Variants in NBN observed in about 807,000 individuals in gnomAD.
NBN encodes the protein Nijmegen breakage syndrome 1 (nibrin).
NBN carries 88 observed loss-of-function variants against 90.8 expected under a neutral mutation model. The observed-to-expected ratio is 0.97, with a 90% CI of 0.82 to 1.16. The LOEUF is 1.16. Ranked by LOEUF, NBN falls within the 50% of genes most tolerant of loss-of-function variation. The probability of loss-of-function intolerance (pLI) is 0.00; values close to 1 mark genes in which losing one functional copy is unlikely to be tolerated. For missense variants in NBN, 894 were observed against 869.6 expected (o/e 1.03, Z -0.35); for synonymous variants, 328 against 295.1 (o/e 1.11, Z -1.14).
At chr8:89,936,972 TA>T in intron 15 of NBN, 53 bp downstream of exon 15, 1 of 1,419,838 alleles carries the variant, frequency 7.0e-7, no homozygotes, top group Non-Finnish European at 9.9e-7. Context: ...TGAACAGAAC[TA>T]AATTTTATAT....
In NBN at chr8:89,981,532, T is replaced by C. The variant is rs1227561580; in HGVS notation, c.172-9A>G. On this transcript the variant is annotated splice_polypyrimidine_tract_variant and intron_variant, in intron 2 of 15. Coordinates refer to ENST00000265433, the MANE Select transcript of NBN (RefSeq NM_002485.5). ...ATTTCATCTGTTTGACTCTGAAAAG[T>C]TAGCAAATAATTTAAAGTCTTTTAC... is the stretch of plus-strand genomic sequence containing the variant. 6.2e-7 allele frequency: 1 copy of C among 1,612,576 alleles called. No individual in the cohort carries two copies. The highest frequency in any genetic ancestry group is 1.1e-5 in the South Asian group (1 of 91,014).
chr8:89,984,336 T>C, intron 1 of NBN, 189 bp downstream of exon 1: 1 of 655,162 alleles, frequency 1.5e-6, no homozygotes, highest in East Asian at 2.8e-5. Context: ...CGCGCTGAAT[T>C]CCAGCTCACA....
chr8:89,960,467 A>G (rs780967723), intron 8 of NBN, among the ~76,000 whole-genome samples: 10 of 152,154 alleles, frequency 6.6e-5, no homozygotes, highest in Non-Finnish European at 1.2e-4. Flanking sequence ...CCTGGTCAAC[A>G]TAGTGAGACT....
At position 89,935,575 on chromosome 8, in the gene NBN, T is replaced by C. The variant is rs1354350621; in HGVS notation, c.*7A>G. The C allele has an allele frequency of 6.2e-7, 1 of 1,610,546 alleles. No individual in the cohort carries two copies. The highest frequency in any genetic ancestry group is 1.1e-5 in the South Asian group (1 of 91,040). ...GTTTTTCCATGGCTTCTTTTTAAAA[T>C]CCTCAGTTATCTTCTCCTTTTTAAA... On this transcript the variant is annotated 3_prime_UTR_variant, in exon 16 of 16. Transcript: ENST00000265433.
rs1554556458 is a variant in NBN, at chr8:89,946,144, T to C, written c.2066A>G (p.Lys689Arg). 1 of 1,578,746 alleles carries C rather than the reference T, an allele frequency of 6.3e-7. No homozygotes were observed. Among genetic ancestry groups the C allele is most frequent in the Non-Finnish European group, 8.7e-7 (1 of 1,149,508 alleles). Reference protein sequence around the residue: ...YGQLKNFKKFKKVTYPGAGKL... With the variant: ...YGQLKNFKKFRKVTYPGAGKL... The stretch of plus-strand genomic sequence containing the variant: ...TGATACAGTTGAAATACCTACCTTT[T>C]TGAATTTCTTGAAATTTTTTAGTTG... The change falls in exon 13 of 16, where the codon AAA (lysine) becomes AGA (arginine). Residue 689 changes from lysine (K) to arginine (R), a missense_variant. By Grantham distance (26) the Lys-to-Arg change is conservative. Coordinates refer to ENST00000265433, the MANE Select transcript of NBN (RefSeq NM_002485.5).
chr8:89,954,740 A>G (rs918589579), intron 10 of NBN, among the ~76,000 whole-genome samples: 2 of 152,150 alleles, frequency 1.3e-5, no homozygotes, highest in Non-Finnish European at 2.9e-5. Context: ...GAAGTCCTCC[A>G]AAGTTCATAC....
intron 10 of NBN, 69 bp downstream of exon 10, chr8:89,955,214 C>A: frequency 7.0e-7 from 1 of 1,430,294 alleles, no homozygotes; most frequent in Non-Finnish European, 9.8e-7. Flanking sequence ...AAGACAATAC[C>A]ATTCTACAAC....
intron 14 of NBN, among the ~76,000 whole-genome samples, chr8:89,938,241 T>A (rs940071839): frequency 1.3e-5 from 2 of 152,342 alleles, no homozygotes; most frequent in South Asian, 4.1e-4. Flanking sequence ...TTTTTGATAT[T>A]TCTTGGAAAC....
At chr8:89,980,623 CAACT>C in intron 4 of NBN, 107 bp downstream of exon 4, 1 of 876,262 alleles carries the variant, frequency 1.1e-6, no homozygotes, top group Non-Finnish European at 1.8e-6. Context: ...TATAAATCTA[CAACT>C]AACAGTTCTG....
chr8:89,964,309 G>A, intron 8 of NBN, 101 bp downstream of exon 8: 1 of 1,308,318 alleles, frequency 7.6e-7, no homozygotes, highest in Non-Finnish European at 1.1e-6. Context: ...AAAACATGGT[G>A]AATATGGTCA....
intron 5 of NBN, among the ~76,000 whole-genome samples, chr8:89,975,404 T>C (rs1315844056): frequency 6.6e-6 from 1 of 152,256 alleles, no homozygotes. Context: ...TACTAATGTT[T>C]ATAAATTGAA....
rs1809551695 is a variant in NBN, at chr8:89,934,009, C to G, written c.*1573G>C. 1 of 230,678 alleles carries G rather than the reference C, an allele frequency of 4.3e-6. No homozygotes were observed. The highest frequency in any genetic ancestry group is 8.6e-6 in the Non-Finnish European group (1 of 116,638). The allele number at this position is 230,678 out of a possible 1,614,324, so 14.3% of individuals were successfully genotyped here. A position where few individuals can be genotyped will look rare whatever the true frequency, so the allele number is the denominator to read the frequency against. Reference sequence around the variant, plus strand: ...TAAAGACAGGAGGTACCAGAACTCTCATTCATTATATTCATAAATTGACAA... The same window carrying G: ...TAAAGACAGGAGGTACCAGAACTCTGATTCATTATATTCATAAATTGACAA... On this transcript the variant is annotated 3_prime_UTR_variant, in exon 16 of 16. Coordinates refer to ENST00000265433, the MANE Select transcript of NBN (RefSeq NM_002485.5).
intron 5 of NBN, among the ~76,000 whole-genome samples, chr8:89,974,010 C>T (rs894226111): frequency 1.3e-5 from 2 of 152,044 alleles, no homozygotes; most frequent in African/African-American, 4.8e-5. Context: ...TTCCCATTCA[C>T]ATTTTCTATT....
intron 5 of NBN, among the ~76,000 whole-genome samples, chr8:89,975,485 G>C (rs1207330198): frequency 6.6e-6 from 1 of 152,086 alleles, no homozygotes; most frequent in Admixed American, 6.5e-5. Context: ...ATCCAGATAG[G>C]TATAGGACTC....
intron 8 of NBN, among the ~76,000 whole-genome samples, chr8:89,961,713 T>G (rs1040871276): frequency 6.6e-6 from 1 of 152,190 alleles, no homozygotes; most frequent in Admixed American, 6.5e-5. Context: ...GCTAAACTAC[T>G]GAGGACTCAG....
chr8:89,947,549 A>C (rs2129657526), intron 12 of NBN, among the ~76,000 whole-genome samples: 1 of 152,172 alleles, frequency 6.6e-6, no homozygotes, highest in Admixed American at 6.5e-5. Context: ...GAATAGCTTA[A>C]ACCCAGGAGG....
chr8:89,953,776 C>A (rs550788653), intron 10 of NBN, 85 bp from the exon 11 acceptor site: 41 of 1,012,434 alleles, frequency 4.0e-5, no homozygotes, highest in Admixed American at 1.3e-4. Context: ...TTCATCACTC[C>A]CTCCATTTAG....
chr8:89,933,835 C>G lies in NBN; in HGVS notation c.*1747G>C, dbSNP rs1441804805. The G allele has an allele frequency of 4.3e-6, 1 of 231,994 alleles. No individual in the cohort carries two copies. Among genetic ancestry groups the G allele is most frequent in the South Asian group, 1.8e-4 (1 of 5,502 alleles). 14.4% of individuals were successfully genotyped at this position (231,994 alleles called of 1,614,324 possible). Reference sequence around the variant, plus strand: ...GGTGTAATATCTCAATACATATATCCGACAAGAGACTTGCATCTAGAATGT... The same window carrying G: ...GGTGTAATATCTCAATACATATATCGGACAAGAGACTTGCATCTAGAATGT... On this transcript the variant is annotated 3_prime_UTR_variant, in exon 16 of 16. Coordinates refer to ENST00000265433, the MANE Select transcript of NBN (RefSeq NM_002485.5).
Position 89,933,628 on chromosome 8 carries a change from T to C in NBN, c.*1954A>G. The C allele has an allele frequency of 4.3e-6, 1 of 232,306 alleles. No individual in the cohort carries two copies. Among genetic ancestry groups the C allele is most frequent in the Non-Finnish European group, 8.5e-6 (1 of 117,520 alleles). 14.4% of individuals were successfully genotyped at this position (232,306 alleles called of 1,614,324 possible). On this transcript the variant is annotated 3_prime_UTR_variant, in exon 16 of 16. Transcript: ENST00000265433. ...CCATAATTCACAACATACATATCAA[T>C]TCAAGGTAGATCACAAATATAAAAA...
Sources: allele counts gnomAD v4.1 joint callset (sites outside exome capture counted in the v4.1 genomes callset), GRCh38; gene constraint gnomAD v4.1.1; transcripts MANE v1.5; gene names NCBI Gene and HGNC (gene_info 2026-07-23, HGNC 2026-07-21).